Variants in DESI2 observed in about 807,000 individuals in gnomAD.
DESI2 encodes desumoylating isopeptidase 2, also known as deubiquitinase DESI2.
DESI2 carries 10 observed loss-of-function variants against 24.1 expected under a neutral mutation model. That is an observed-to-expected ratio of 0.41 (90% CI 0.26 to 0.70). The LOEUF (loss-of-function observed/expected upper bound fraction) is 0.70. DESI2 is among the 30% of genes least tolerant of loss of function. DESI2 has a pLI of 0.29. For missense variants in DESI2, 122 were observed against 234.9 expected (o/e 0.52, Z 3.14); for synonymous variants, 71 against 87.7 (o/e 0.81, Z 1.06).
Position 244,676,171 on chromosome 1 carries a change from G to A in DESI2, c.43-10426G>A, listed in dbSNP as rs190341382. Among the ~76,000 whole-genome samples the A allele has an allele frequency of 2.2e-3, 337 of 151,794 alleles. 1 individual carries two copies. Among genetic ancestry groups the A allele is most frequent in the African/African-American group, 7.9e-3 (327 of 41,380 alleles). ...AGCTCACTGCAAGCTCCACCTCCCTGGTTCAGGCCATTCTCCTGCCTCAGC... is the reference window on the plus strand; with the variant it reads ...AGCTCACTGCAAGCTCCACCTCCCTAGTTCAGGCCATTCTCCTGCCTCAGC... On this transcript the variant is annotated intron_variant, in intron 1 of 4. Transcript: ENST00000302550.
intron 4 of DESI2, among the ~76,000 whole-genome samples, chr1:244,693,309 G>A (rs1453841621): frequency 6.6e-6 from 1 of 152,076 alleles, no homozygotes; most frequent in Non-Finnish European, 1.5e-5. Context: ...CACCACATCA[G>A]CCCTGGTCTA....
At chr1:244,673,254 G>A (rs1404937908) in intron 1 of DESI2, among the ~76,000 whole-genome samples, 1 of 152,012 alleles carries the variant, frequency 6.6e-6, no homozygotes, top group Admixed American at 6.5e-5. Flanking sequence ...GCATTTGGAG[G>A]GCATCTCTTT....
intron 1 of DESI2, among the ~76,000 whole-genome samples, chr1:244,678,113 C>T (rs1447963511): frequency 6.6e-6 from 1 of 152,132 alleles, no homozygotes; most frequent in African/African-American, 2.4e-5. Context: ...GGTAACAGTA[C>T]CACTTGCAAA....
chr1:244,682,514 C>T (rs1490570350), intron 1 of DESI2, among the ~76,000 whole-genome samples: 2 of 152,236 alleles, frequency 1.3e-5, no homozygotes, highest in African/African-American at 4.8e-5. Context: ...CTTTCCCTTT[C>T]ATCCACCTCT....
chr1:244,673,583 A>G (rs1268621842), intron 1 of DESI2, among the ~76,000 whole-genome samples: 1 of 152,164 alleles, frequency 6.6e-6, no homozygotes, highest in Non-Finnish European at 1.5e-5. Flanking sequence ...AAGGTTTTTG[A>G]TTGGGTATAG....
At chr1:244,672,232 T>C (rs1320969145) in intron 1 of DESI2, among the ~76,000 whole-genome samples, 1 of 152,126 alleles carries the variant, frequency 6.6e-6, no homozygotes, top group African/African-American at 2.4e-5. Flanking sequence ...GGCAGATCGC[T>C]CATGAATGAC....
At chr1:244,675,994 T>C (rs1044786366) in intron 1 of DESI2, among the ~76,000 whole-genome samples, 33 of 152,194 alleles carry the variant, frequency 2.2e-4, no homozygotes, top group African/African-American at 7.7e-4. Context: ...CTTAAATGTA[T>C]CCATAAGTTT....
chr1:244,705,544 T>C lies in DESI2; in HGVS notation c.352-12T>C. ...CTCTCTTACCTAATACAGAACTCTT[T>C]CTCTTCTGTAGATTCTTTGTGGGAA... On this transcript the variant is annotated splice_polypyrimidine_tract_variant and intron_variant, in intron 4 of 4. Transcript: ENST00000302550. The C allele has an allele frequency of 1.2e-6, 2 of 1,607,440 alleles. No individual in the cohort carries two copies. The highest frequency in any genetic ancestry group is 1.7e-6 in the Non-Finnish European group (2 of 1,173,952).
intron 1 of DESI2, among the ~76,000 whole-genome samples, chr1:244,666,969 T>C (rs1558652878): frequency 6.6e-6 from 1 of 152,066 alleles, no homozygotes. Context: ...GAGAATAGCA[T>C]GGTAAAGACT....
At position 244,707,585 on chromosome 1, in the gene DESI2, G is replaced by C. The variant is rs1441452641; in HGVS notation, c.*1796G>C. On this transcript the variant is annotated 3_prime_UTR_variant, in exon 5 of 5. Transcript: ENST00000302550. ...CAGTGACTTGTTCACTAAAAAGAGA[G>C]AGTCCTGTCCCCAGACGGTTAGTAC... 6.6e-6 allele frequency: 1 copy of C among 152,458 alleles called. No homozygotes were observed. Among genetic ancestry groups the C allele is most frequent in the African/African-American group, 2.4e-5 (1 of 41,458 alleles). 9.4% of individuals were successfully genotyped at this position (152,458 alleles called of 1,614,324 possible). A position where few individuals can be genotyped will look rare whatever the true frequency, so the allele number is the denominator to read the frequency against.
intron 1 of DESI2, among the ~76,000 whole-genome samples, chr1:244,671,431 T>G (rs983308816): frequency 2.6e-5 from 4 of 152,204 alleles, no homozygotes; most frequent in African/African-American, 9.6e-5. Flanking sequence ...CATCCCACCT[T>G]CGGCAGCTGC....
rs541559814 is a variant in DESI2 at position 244,660,170 on chromosome 1, T to TTTG, written c.42+6833_42+6835dup. 7.0e-3 allele frequency among the ~76,000 whole-genome samples: 1,057 copies of TTTG among 150,136 alleles called. 15 individuals are homozygous for TTTG. Among genetic ancestry groups the TTTG allele is most frequent in the African/African-American group, 0.024 (989 of 40,676 alleles). ...TGGATTTTTCTTTTTTTGTTGTTGT[T>TTTG]TTGTTGTTGTTGTTGTTGTTTTGAG... On this transcript the variant is annotated intron_variant, in intron 1 of 4. Transcript: ENST00000302550.
At position 244,695,591 on chromosome 1, in the gene DESI2, T is replaced by C. The variant is rs367950366; in HGVS notation, c.351+3571T>C. On this transcript the variant is annotated intron_variant, in intron 4 of 4. Coordinates refer to ENST00000302550, the MANE Select transcript of DESI2 (RefSeq NM_016076.5). Reference sequence around the variant, plus strand: ...TCACTTGAACCCAGGAGGCAGAGGTTGCAGTGAGCAGAGATGGTGCTGTTG... The same window carrying C: ...TCACTTGAACCCAGGAGGCAGAGGTCGCAGTGAGCAGAGATGGTGCTGTTG... 2.6e-5 allele frequency among the ~76,000 whole-genome samples: 4 copies of C among 152,308 alleles called. No homozygotes were observed. The South Asian group carries it at 6.2e-4, about 24-fold the overall frequency.
At chr1:244,682,863 A>G (rs1676668476) in intron 1 of DESI2, among the ~76,000 whole-genome samples, 1 of 152,214 alleles carries the variant, frequency 6.6e-6, no homozygotes, top group African/African-American at 2.4e-5. Context: ...TCAAAAAAAA[A>G]AAAAAAACTC....
intron 4 of DESI2, among the ~76,000 whole-genome samples, chr1:244,693,272 A>T (rs1677091324): frequency 6.6e-6 from 1 of 152,152 alleles, no homozygotes; most frequent in Non-Finnish European, 1.5e-5. Flanking sequence ...CTTCAAAAAC[A>T]TTAAGAACGT....
At chr1:244,701,291 T>C (rs888120943) in intron 4 of DESI2, among the ~76,000 whole-genome samples, 3 of 132,178 alleles carry the variant, frequency 2.3e-5, no homozygotes, top group Non-Finnish European at 3.1e-5. Flanking sequence ...CTCAACCATC[T>C]CGACAGAAAC....
chr1:244,663,310 G>C (rs1169902191), intron 1 of DESI2, among the ~76,000 whole-genome samples: 1 of 151,856 alleles, frequency 6.6e-6, no homozygotes, highest in Non-Finnish European at 1.5e-5. Flanking sequence ...CTGAGTAGCT[G>C]GGACTACAGG....
intron 4 of DESI2, among the ~76,000 whole-genome samples, chr1:244,700,058 A>C (rs1289181317): frequency 2.6e-5 from 4 of 152,258 alleles, no homozygotes; most frequent in African/African-American, 9.6e-5. Context: ...ACAAAAACTC[A>C]AACTAAGTTT....
At chr1:244,661,007 G>A (rs1168698868) in intron 1 of DESI2, among the ~76,000 whole-genome samples, 1 of 151,968 alleles carries the variant, frequency 6.6e-6, no homozygotes. Flanking sequence ...AATTCCATAG[G>A]TTTTTGTTTT....
Sources: gnomAD v4.1 joint callset for allele counts (sites outside exome capture counted in the v4.1 genomes callset) on GRCh38, gnomAD v4.1.1 for gene constraint, MANE v1.5 for transcripts, NCBI Gene and HGNC (gene_info 2026-07-23, HGNC 2026-07-21) for gene names.